The following COL9A1 variants were observed in gnomAD, a reference collection of about 807,000 sequenced individuals.
COL9A1 encodes the protein collagen alpha-1(IX) chain.
Under a neutral mutation model 142.6 loss-of-function variants are expected in COL9A1, and 104 were observed. The observed-to-expected ratio is 0.73, with a 90% CI of 0.62 to 0.86. The LOEUF is 0.86. Ranked by LOEUF, COL9A1 falls within the 40% of genes least tolerant of loss-of-function variation. The pLI is 0.00. For synonymous variants in COL9A1, 466 were observed against 396.0 expected (o/e 1.18, Z -2.10); for missense variants, 1,210 against 1,176.6 (o/e 1.03, Z -0.42).
At chr6:70,220,160 A>G (rs771360944) in intron 37 of COL9A1, among the ~76,000 whole-genome samples, 5 of 151,996 alleles carry the variant, frequency 3.3e-5, no homozygotes, top group Non-Finnish European at 5.9e-5. Context: ...CATCATCATC[A>G]TCATCATCAC....
intron 17 of COL9A1, among the ~76,000 whole-genome samples, chr6:70,268,022 G>C (rs994013440): frequency 6.6e-6 from 1 of 151,260 alleles, no homozygotes; most frequent in Non-Finnish European, 1.5e-5. Flanking sequence ...CCCAGAATTT[G>C]GTATTTATTT....
At position 70,273,972 on chromosome 6, in the gene COL9A1, T is replaced by TAAATAAATAAATAAAA. The variant is rs763708723; in HGVS notation, c.1065+74_1065+75insTTTTATTTATTTATTT. The TAAATAAATAAATAAAA allele has an allele frequency of 1.3e-5, 9 of 699,184 alleles. No individual in the cohort carries two copies. The African/African-American group carries it at 1.7e-4, about 13-fold the overall frequency. 43.3% of individuals were successfully genotyped at this position (699,184 alleles called of 1,614,324 possible). On this transcript the variant is annotated intron_variant, in intron 12 of 37. Coordinates refer to ENST00000357250, the MANE Select transcript of COL9A1 (RefSeq NM_001851.6). ...ATAAATAAATAAATAAATAAATAAA[T>TAAATAAATAAATAAAA]AAAAAGATTTCACAATGGCAGAATT...
chr6:70,220,219 TG>T (rs1768782997), intron 37 of COL9A1, among the ~76,000 whole-genome samples: 1 of 152,092 alleles, frequency 6.6e-6, no homozygotes, highest in Admixed American at 6.6e-5. Context: ...GCATACACTA[TG>T]CTCATTATTG....
rs778971947 is a variant in COL9A1 at position 70,256,837 on chromosome 6, A to C, written c.1450-16T>G. ...CCCGAGCACCCTGCAAAAAAACAAGACAATGGAAAAAAACTGAGATCAGTC... is the reference window on the plus strand; with the variant it reads ...CCCGAGCACCCTGCAAAAAAACAAGCCAATGGAAAAAAACTGAGATCAGTC... On this transcript the variant is annotated splice_polypyrimidine_tract_variant and intron_variant, in intron 20 of 37. Transcript: ENST00000357250. The C allele has an allele frequency of 3.1e-6, 5 of 1,613,582 alleles. No individual in the cohort carries two copies. The highest frequency in any genetic ancestry group is 4.2e-6 in the Non-Finnish European group (5 of 1,179,702).
At chr6:70,287,115 T>C (rs1357130225) in intron 5 of COL9A1, among the ~76,000 whole-genome samples, 1 of 152,116 alleles carries the variant, frequency 6.6e-6, no homozygotes, top group Non-Finnish European at 1.5e-5. Context: ...TGCACATATA[T>C]GGGTGGGGCC....
chr6:70,265,686 C>T (rs1011168312), intron 18 of COL9A1, among the ~76,000 whole-genome samples: 6 of 151,946 alleles, frequency 3.9e-5, no homozygotes, highest in Admixed American at 3.9e-4. Flanking sequence ...CATTAGGAAC[C>T]CAGCTGTTAT....
chr6:70,299,909 A>G (rs1015199953), intron 4 of COL9A1, 134 bp downstream of exon 4: 4 of 840,604 alleles, frequency 4.8e-6, no homozygotes, highest in East Asian at 2.7e-5. Context: ...AGGCAGGTAA[A>G]TAAATTTCTT....
chr6:70,285,346 T>C (rs900220961), intron 5 of COL9A1, among the ~76,000 whole-genome samples: 2 of 152,202 alleles, frequency 1.3e-5, no homozygotes, highest in African/African-American at 4.8e-5. Context: ...CAACAACCGT[T>C]TTTTGGCATG....
chr6:70,303,070 G>A lies in COL9A1; in HGVS notation c.-146C>T. On this transcript the variant is annotated 5_prime_UTR_variant, in exon 1 of 38. Transcript: ENST00000357250. ...TTGGTCCCTCCTGCCCCCGGTGAGG[G>A]CTAAAAGCAAAGGGAGAGAACCAGA... 2.4e-6 allele frequency: 2 copies of A among 845,320 alleles called. No individual in the cohort carries two copies. The highest frequency in any genetic ancestry group is 2.1e-6 in the Non-Finnish European group (1 of 486,810). 52.4% of individuals were successfully genotyped at this position (845,320 alleles called of 1,614,324 possible). A position where few individuals can be genotyped will look rare whatever the true frequency, so the allele number is the denominator to read the frequency against.
At position 70,234,529 on chromosome 6, in the gene COL9A1, A is replaced by T. The variant is rs1246859220; in HGVS notation, c.2314+10T>A. ...TGGTGGAAAAAGTCAAACCATTGTG[A>T]TTTATTTACCTTGTATGACTCTCAT... On this transcript the variant is annotated intron_variant, in intron 35 of 37. Coordinates refer to ENST00000357250, the MANE Select transcript of COL9A1 (RefSeq NM_001851.6). The T allele has an allele frequency of 6.2e-7, 1 of 1,613,860 alleles. No individual in the cohort carries two copies. Among genetic ancestry groups the T allele is most frequent in the South Asian group, 1.1e-5 (1 of 91,076 alleles).
At chr6:70,251,897 G>A (rs569988367) in intron 28 of COL9A1, among the ~76,000 whole-genome samples, 4 of 152,276 alleles carry the variant, frequency 2.6e-5, no homozygotes, top group Admixed American at 6.5e-5. Context: ...CATGGGGTGA[G>A]GGCAGAAAGG....
rs117002799 is a variant in COL9A1, at chr6:70,233,014, G to C, written c.2315-243C>G. ...TCCTGTTGTTCTGAGACAGAGTCAG[G>C]GCACGGGGAGGGAGGTAGCAGGGGG... On this transcript the variant is annotated intron_variant, in intron 35 of 37. Coordinates refer to ENST00000357250, the MANE Select transcript of COL9A1 (RefSeq NM_001851.6). Among the ~76,000 whole-genome samples the C allele has an allele frequency of 2.6e-4, 40 of 152,220 alleles. 1 individual carries two copies. In the East Asian group the frequency reaches 7.5e-3, roughly 29 times the overall value.
chr6:70,271,490 AATT>A (rs1772399062), intron 14 of COL9A1, among the ~76,000 whole-genome samples, 162 bp downstream of exon 14: 2 of 152,298 alleles, frequency 1.3e-5, no homozygotes, highest in South Asian at 2.1e-4. Context: ...ACTCTGCAAA[AATT>A]ATTATTATTC....
intron 10 of COL9A1, among the ~76,000 whole-genome samples, chr6:70,277,894 C>G (rs897657531): frequency 2.6e-5 from 4 of 152,176 alleles, no homozygotes; most frequent in African/African-American, 7.2e-5. Context: ...GTTCACCTAC[C>G]AAGAAAGGAC....
In COL9A1 at chr6:70,274,087, A is replaced by C. The variant is rs754521204; in HGVS notation, c.1030-5T>G. 1.9e-6 allele frequency: 3 copies of C among 1,589,226 alleles called. No individual in the cohort carries two copies. In the South Asian group the frequency reaches 3.4e-5, roughly 18 times the overall value. On this transcript the variant is annotated splice_polypyrimidine_tract_variant and splice_region_variant and intron_variant, in intron 11 of 37. Coordinates refer to ENST00000357250, the MANE Select transcript of COL9A1 (RefSeq NM_001851.6). Reference sequence around the variant, plus strand: ...TCCAGGCACACCAGGTTCTCCCTAAAAATAAAAATAGTTTCATTGTACTGA... The same window carrying C: ...TCCAGGCACACCAGGTTCTCCCTAACAATAAAAATAGTTTCATTGTACTGA...
chr6:70,287,628 ATTC>A (rs1482991018), intron 5 of COL9A1, among the ~76,000 whole-genome samples: 4 of 146,212 alleles, frequency 2.7e-5, no homozygotes, highest in East Asian at 2.5e-4. Context: ...ACTGTCTCCA[ATTC>A]TTCTCCTCAT....
chr6:70,277,800 C>T (rs1772866915), intron 10 of COL9A1, among the ~76,000 whole-genome samples: 1 of 152,184 alleles, frequency 6.6e-6, no homozygotes, highest in Non-Finnish European at 1.5e-5. Flanking sequence ...CATTTTTTAA[C>T]ATTATCAAAA....
At chr6:70,250,525 G>A (rs1402016633) in intron 28 of COL9A1, among the ~76,000 whole-genome samples, 1 of 152,194 alleles carries the variant, frequency 6.6e-6, no homozygotes, top group Non-Finnish European at 1.5e-5. Context: ...TGTTTTGGCT[G>A]CAGAAACCTC....
intron 5 of COL9A1, among the ~76,000 whole-genome samples, chr6:70,293,664 C>CAT (rs1210873160): frequency 1.3e-5 from 2 of 150,718 alleles, no homozygotes; most frequent in Admixed American, 6.6e-5. Flanking sequence ...CACACACACA[C>CAT]ACACACACAC....
Sources: gnomAD v4.1 joint callset for allele counts (sites outside exome capture counted in the v4.1 genomes callset) on GRCh38, gnomAD v4.1.1 for gene constraint, MANE v1.5 for transcripts, NCBI Gene and HGNC (gene_info 2026-07-23, HGNC 2026-07-21) for gene names.